Variants in ATP2B2 observed in about 807,000 individuals in gnomAD.
ATP2B2 encodes the protein ATPase plasma membrane Ca2+ transporting 2.
A neutral mutation model predicts 120.0 loss-of-function variants in ATP2B2; 15 were observed. The observed-to-expected ratio is 0.12, with a 90% CI of 0.08 to 0.19. ATP2B2 has a LOEUF of 0.19. Ranked by LOEUF, ATP2B2 falls within the 10% of genes least tolerant of loss-of-function variation. ATP2B2 has a pLI of 1.00. For missense variants in ATP2B2, 1,045 were observed against 1,719.8 expected (o/e 0.61, Z 6.94); for synonymous variants, 694 against 700.3 (o/e 0.99, Z 0.14).
chr3:10,548,580 C>T (rs1448733479), intron 2 of ATP2B2, among the ~76,000 whole-genome samples: 1 of 152,216 alleles, frequency 6.6e-6, no homozygotes, highest in African/African-American at 2.4e-5. Context: ...CTGGGAAAAC[C>T]ATGAGCTGTG....
chr3:10,588,428 C>T (rs1559473377), intron 2 of ATP2B2, among the ~76,000 whole-genome samples: 1 of 152,216 alleles, frequency 6.6e-6, no homozygotes, highest in Non-Finnish European at 1.5e-5. Flanking sequence ...TTGTGAACCC[C>T]TTCCACATCC....
At chr3:10,535,997 A>G (rs1171182008) in intron 2 of ATP2B2, among the ~76,000 whole-genome samples, 1 of 152,146 alleles carries the variant, frequency 6.6e-6, no homozygotes, top group Non-Finnish European at 1.5e-5. Flanking sequence ...CCAGCAATGT[A>G]CAAGTGGATC....
intron 2 of ATP2B2, among the ~76,000 whole-genome samples, chr3:10,547,119 C>T (rs571696869): frequency 2.6e-5 from 4 of 152,008 alleles, no homozygotes; most frequent in South Asian, 2.1e-4. Context: ...TCAATTGTAT[C>T]GGTCTGGGGA....
intron 22 of ATP2B2, among the ~76,000 whole-genome samples, chr3:10,337,579 C>T: frequency 6.6e-6 from 1 of 152,144 alleles, no homozygotes; most frequent in Non-Finnish European, 1.5e-5. Context: ...GGGGAAGAAA[C>T]CTGCTTCTGG....
intron 1 of ATP2B2, among the ~76,000 whole-genome samples, chr3:10,455,847 C>T (rs1410031733): frequency 6.6e-6 from 1 of 152,260 alleles, no homozygotes; most frequent in Non-Finnish European, 1.5e-5. Flanking sequence ...CTTCTCTGGG[C>T]CTCAGTTTCC....
At chr3:10,537,887 T>C (rs1008642365) in intron 2 of ATP2B2, among the ~76,000 whole-genome samples, 3 of 152,216 alleles carry the variant, frequency 2.0e-5, no homozygotes, top group Non-Finnish European at 4.4e-5. Flanking sequence ...TTTTCCTACA[T>C]TGATGGATAC....
At chr3:10,511,107 C>T (rs906832313) in intron 3 of ATP2B2, among the ~76,000 whole-genome samples, 6 of 152,296 alleles carry the variant, frequency 3.9e-5, no homozygotes, top group African/African-American at 9.6e-5. Context: ...CTCCCAAAGA[C>T]ACTCTTGCAT....
intron 2 of ATP2B2, among the ~76,000 whole-genome samples, chr3:10,568,296 G>T (rs188154418): frequency 6.6e-6 from 1 of 152,190 alleles, no homozygotes; most frequent in Non-Finnish European, 1.5e-5. Context: ...TGCTCATCCA[G>T]TGCCATATTC....
intron 3 of ATP2B2, among the ~76,000 whole-genome samples, chr3:10,513,283 T>C (rs2066810226): frequency 6.6e-6 from 1 of 151,982 alleles, no homozygotes; most frequent in African/African-American, 2.4e-5. Flanking sequence ...GGAGAGGCAG[T>C]GTTGCCGACA....
rs140281381 is a variant in ATP2B2 at position 10,482,752 on chromosome 3, C to T, written c.-320+22713G>A. Among the ~76,000 whole-genome samples the T allele has an allele frequency of 2.0e-3, 308 of 152,368 alleles. 4 individuals are homozygous for T. Among genetic ancestry groups the T allele is most frequent in the Non-Finnish European group, 2.9e-3 (196 of 68,032 alleles). On this transcript the variant is annotated intron_variant, in intron 1 of 22. Coordinates refer to ENST00000360273, the MANE Select transcript of ATP2B2 (RefSeq NM_001001331.4). ...GACTGAGAGTGAGGAAGTCTGAATT[C>T]TGCTCACCCACAGGAGCCTAAACTG...
At chr3:10,594,122 G>C (rs368425998) in intron 2 of ATP2B2, among the ~76,000 whole-genome samples, 7 of 152,324 alleles carry the variant, frequency 4.6e-5, no homozygotes, top group South Asian at 2.1e-4. Context: ...GTTGGTGGGA[G>C]TGTAAACTGG....
At chr3:10,679,552 G>T (rs1289928806) in intron 1 of ATP2B2, among the ~76,000 whole-genome samples, 2 of 152,202 alleles carry the variant, frequency 1.3e-5, no homozygotes, top group Non-Finnish European at 2.9e-5. Flanking sequence ...GGGATAGTCA[G>T]GAGGGGCCAA....
chr3:10,623,543 G>C (rs1190670163), intron 1 of ATP2B2, among the ~76,000 whole-genome samples: 1 of 145,820 alleles, frequency 6.9e-6, no homozygotes, highest in South Asian at 2.4e-4. Flanking sequence ...AATCAGGGAG[G>C]CTTCATTGAA....
intron 22 of ATP2B2, chr3:10,330,217 T>G (rs1417149017): frequency 6.5e-6 from 1 of 154,674 alleles, no homozygotes. Context: ...CGCTGAAGAA[T>G]GGGAGGAGGC....
intron 5 of ATP2B2, among the ~76,000 whole-genome samples, chr3:10,391,755 A>G (rs1388187466): frequency 6.6e-6 from 1 of 152,096 alleles, no homozygotes; most frequent in Non-Finnish European, 1.5e-5. Flanking sequence ...CTCTGCTCTT[A>G]CCTGTCTCCC....
chr3:10,350,379 T>C lies in ATP2B2; in HGVS notation c.2316+19A>G. 1 of 1,614,176 alleles carries C rather than the reference T, an allele frequency of 6.2e-7. No homozygotes were observed. Among genetic ancestry groups the C allele is most frequent in the Non-Finnish European group, 8.5e-7 (1 of 1,180,016 alleles). On this transcript the variant is annotated intron_variant, in intron 15 of 22. Transcript: ENST00000360273. ...TCTGAGCGCGTTCCCCTGAGGATGCTTTACGTTGGGACACGCACCTCCCCC... is the reference window on the plus strand; with the variant it reads ...TCTGAGCGCGTTCCCCTGAGGATGCCTTACGTTGGGACACGCACCTCCCCC...
intron 1 of ATP2B2, among the ~76,000 whole-genome samples, chr3:10,621,876 C>T (rs2069560234): frequency 6.6e-6 from 1 of 152,370 alleles, no homozygotes; most frequent in African/African-American, 2.4e-5. Context: ...CAACTAGCAT[C>T]GCTGACCAGG....
chr3:10,330,666 G>T (rs1483993919), intron 22 of ATP2B2, among the ~76,000 whole-genome samples: 1 of 152,252 alleles, frequency 6.6e-6, no homozygotes, highest in Non-Finnish European at 1.5e-5. Context: ...GGGACTGGAC[G>T]AGACGGTCGT....
At chr3:10,339,323 TTTAG>T (rs762235028) in intron 21 of ATP2B2, among the ~76,000 whole-genome samples, 15 of 152,208 alleles carry the variant, frequency 9.9e-5, no homozygotes, top group Non-Finnish European at 1.8e-4. Flanking sequence ...TTATTTATCT[TTTAG>T]TTAATTTTTG....
Sources: allele counts gnomAD v4.1 joint callset (sites outside exome capture counted in the v4.1 genomes callset), GRCh38; gene constraint gnomAD v4.1.1; transcripts MANE v1.5; gene names NCBI Gene and HGNC (gene_info 2026-07-23, HGNC 2026-07-21).